The following CBLB variants were observed in gnomAD, a reference collection of about 807,000 sequenced individuals.
CBLB encodes E3 ubiquitin-protein ligase CBL-B.
CBLB carries 31 observed loss-of-function variants against 104.9 expected under a neutral mutation model. That is an observed-to-expected ratio of 0.30 (90% CI 0.22 to 0.40). The LOEUF (loss-of-function observed/expected upper bound fraction) is 0.40. CBLB is among the 10% of genes least tolerant of loss of function. The pLI is 1.00. For synonymous variants in CBLB, 440 were observed against 422.6 expected (o/e 1.04, Z -0.51); for missense variants, 1,062 against 1,214.6 (o/e 0.87, Z 1.87).
chr3:105,683,038 T>C (rs2066513348), intron 14 of CBLB, among the ~76,000 whole-genome samples: 1 of 123,448 alleles, frequency 8.1e-6, no homozygotes, highest in Non-Finnish European at 1.8e-5. Flanking sequence ...AAGAGACGGA[T>C]ATTTGAATAG....
intron 17 of CBLB, among the ~76,000 whole-genome samples, chr3:105,674,963 A>G (rs577521188): frequency 6.6e-6 from 1 of 152,304 alleles, no homozygotes; most frequent in African/African-American, 2.4e-5. Context: ...GCAGAGACAT[A>G]GGACACTGCA....
intron 6 of CBLB, among the ~76,000 whole-genome samples, chr3:105,744,505 G>A (rs140450817): frequency 4.5e-4 from 69 of 152,226 alleles, no homozygotes; most frequent in African/African-American, 1.6e-3. Flanking sequence ...GATTTCAGTG[G>A]AAGCCAAACT....
At chr3:105,828,232 CA>C (rs1173243011) in intron 3 of CBLB, among the ~76,000 whole-genome samples, 1 of 152,158 alleles carries the variant, frequency 6.6e-6, no homozygotes, top group East Asian at 1.9e-4. Context: ...CACTTCTACT[CA>C]CATCCAATTC....
At chr3:105,684,109 G>A (rs2066682440) in intron 14 of CBLB, among the ~76,000 whole-genome samples, 1 of 152,140 alleles carries the variant, frequency 6.6e-6, no homozygotes, top group South Asian at 2.1e-4. Flanking sequence ...AAAGGAAATG[G>A]CACACTAAGT....
At chr3:105,672,149 G>C (rs2065133045) in intron 17 of CBLB, 1 of 191,838 alleles carries the variant, frequency 5.2e-6, no homozygotes, top group Non-Finnish European at 1.1e-5. Context: ...AAATTTATAG[G>C]TTTGTCAAAT....
rs1023442861 is a variant in CBLB, at chr3:105,845,682, T to C, written c.419+7732A>G. ...CATAAAGTCCTTAACAGTCAAAGAT[T>C]CTGCAAGCTCTCACCTGCCTCCCCT... On this transcript the variant is annotated intron_variant, in intron 3 of 18. Transcript: ENST00000394030. Among the ~76,000 whole-genome samples, 3 of 152,042 alleles carry C rather than the reference T, an allele frequency of 2.0e-5. No individual in the cohort carries two copies. In the East Asian group the frequency reaches 5.8e-4, roughly 29 times the overall value.
At chr3:105,731,280 C>G (rs1428361174) in intron 9 of CBLB, among the ~76,000 whole-genome samples, 1 of 152,142 alleles carries the variant, frequency 6.6e-6, no homozygotes, top group Non-Finnish European at 1.5e-5. Context: ...CAAATAAATA[C>G]AGTAAGTCCT....
At chr3:105,675,456 C>T (rs6764799) in intron 17 of CBLB, among the ~76,000 whole-genome samples, 30,842 of 152,010 alleles carry the variant, frequency 0.2, 3,639 homozygotes, top group East Asian at 0.52. Flanking sequence ...TACTCAAATG[C>T]TCATTTATCA....
At chr3:105,711,940 C>T (rs928758108) in intron 10 of CBLB, among the ~76,000 whole-genome samples, 3 of 152,180 alleles carry the variant, frequency 2.0e-5, no homozygotes, top group East Asian at 3.9e-4. Flanking sequence ...TTAAGAAACA[C>T]CAAATGGAAT....
chr3:105,726,913 T>C (rs2073725551), intron 9 of CBLB, among the ~76,000 whole-genome samples: 1 of 152,240 alleles, frequency 6.6e-6, no homozygotes, highest in South Asian at 2.1e-4. Context: ...TAGTATTCCA[T>C]GGTGTATATG....
chr3:105,795,146 T>C (rs1160120774), intron 3 of CBLB, among the ~76,000 whole-genome samples: 1 of 152,144 alleles, frequency 6.6e-6, no homozygotes, highest in Non-Finnish European at 1.5e-5. Flanking sequence ...TCTGCTGACC[T>C]TGTGATCTGC....
At chr3:105,773,720 C>T (rs1381086219) in intron 4 of CBLB, among the ~76,000 whole-genome samples, 1 of 152,180 alleles carries the variant, frequency 6.6e-6, no homozygotes, top group Admixed American at 6.5e-5. Flanking sequence ...GCTGAACATA[C>T]TTAGACACAT....
rs867908623 is a variant in CBLB, at chr3:105,801,526, A to G, written c.420-24984T>C. Among the ~76,000 whole-genome samples, 55 of 152,296 alleles carry G rather than the reference A, an allele frequency of 3.6e-4. No homozygotes were observed. The Middle Eastern group carries it at 0.01, about 28-fold the overall frequency. ...TTAACCATTAAGACAGGTCTGAACA[A>G]TTTTTTCATTTTACGAAGAACTTTG... On this transcript the variant is annotated intron_variant, in intron 3 of 18. Coordinates refer to ENST00000394030, the MANE Select transcript of CBLB (RefSeq NM_170662.5).
intron 12 of CBLB, among the ~76,000 whole-genome samples, chr3:105,699,454 A>C (rs563868518): frequency 6.6e-6 from 1 of 152,298 alleles, no homozygotes; most frequent in Non-Finnish European, 1.5e-5. Flanking sequence ...TTTATTTATA[A>C]GGAAAATAAG....
chr3:105,782,489 A>G (rs1333740623), intron 3 of CBLB, among the ~76,000 whole-genome samples: 1 of 152,130 alleles, frequency 6.6e-6, no homozygotes, highest in African/African-American at 2.4e-5. Flanking sequence ...ATCCACCACT[A>G]GCACAGCTAG....
intron 3 of CBLB, among the ~76,000 whole-genome samples, chr3:105,781,227 T>C (rs1326367043): frequency 1.3e-5 from 2 of 152,226 alleles, no homozygotes; most frequent in Non-Finnish European, 2.9e-5. Flanking sequence ...TAAAATGGTA[T>C]GAATCAATTT....
intron 9 of CBLB, among the ~76,000 whole-genome samples, chr3:105,727,707 G>C (rs776927277): frequency 6.6e-6 from 1 of 152,094 alleles, no homozygotes; most frequent in African/African-American, 2.4e-5. Flanking sequence ...TCCGTCTTGA[G>C]TTAATTTTTG....
chr3:105,777,227 G>A (rs1216944718), intron 3 of CBLB, among the ~76,000 whole-genome samples: 10 of 152,188 alleles, frequency 6.6e-5, no homozygotes, highest in African/African-American at 2.4e-4. Flanking sequence ...ATACATGCTT[G>A]CCACTCCTAC....
chr3:105,852,061 T>A (rs1343436922), intron 3 of CBLB, among the ~76,000 whole-genome samples: 1 of 152,240 alleles, frequency 6.6e-6, no homozygotes, highest in Non-Finnish European at 1.5e-5. Context: ...TACTAGTTGA[T>A]GTATTTACTA....
Sources: allele counts gnomAD v4.1 joint callset (sites outside exome capture counted in the v4.1 genomes callset), GRCh38; gene constraint gnomAD v4.1.1; transcripts MANE v1.5; gene names NCBI Gene and HGNC (gene_info 2026-07-23, HGNC 2026-07-21).